Variants in USP7 observed in about 807,000 individuals in gnomAD.
The protein encoded by USP7 is ubiquitin C-terminal hydrolase 7.
USP7 carries 9 observed loss-of-function variants against 162.9 expected under a neutral mutation model. The ratio of observed to expected loss-of-function variants is 0.06; its 90% confidence interval spans 0.03 to 0.10. USP7 has a LOEUF of 0.10. Ranked by LOEUF, USP7 falls within the 10% of genes least tolerant of loss-of-function variation. The probability of loss-of-function intolerance (pLI) is 1.00; values close to 1 mark genes in which losing one functional copy is unlikely to be tolerated. For missense variants in USP7, 715 were observed against 1,373.7 expected (o/e 0.52, Z 7.58); for synonymous variants, 562 against 475.9 (o/e 1.18, Z -2.35).
intron 5 of USP7, among the ~76,000 whole-genome samples, chr16:8,919,385 TG>T (rs557103878): frequency 1.3e-5 from 2 of 152,078 alleles, no homozygotes; most frequent in Non-Finnish European, 2.9e-5. Context: ...CTCCTGTCAC[TG>T]ATCAAGCCCA....
At position 8,932,719 on chromosome 16, in the gene USP7, T is replaced by C. The variant is rs576714503; in HGVS notation, c.80-2322A>G. Reference sequence around the variant, plus strand: ...TCTTTAAAAAGTTTTATGAGATTCATAAATTGTAAACCAAGGACAGTGACT... The same window carrying C: ...TCTTTAAAAAGTTTTATGAGATTCACAAATTGTAAACCAAGGACAGTGACT... On this transcript the variant is annotated intron_variant, in intron 1 of 30. Transcript: ENST00000344836. Among the ~76,000 whole-genome samples, 7 of 152,318 alleles carry C rather than the reference T, an allele frequency of 4.6e-5. No homozygotes were observed. In the South Asian group the frequency reaches 1.5e-3, roughly 32 times the overall value.
At chr16:8,927,006 T>C (rs978752766) in intron 2 of USP7, among the ~76,000 whole-genome samples, 2 of 152,160 alleles carry the variant, frequency 1.3e-5, no homozygotes, top group East Asian at 1.9e-4. Context: ...TAGACCAGCC[T>C]GGGCTTCAGT....
intron 11 of USP7, 38 bp downstream of exon 11, chr16:8,910,707 C>A (rs2447916): frequency 1 from 1,555,648 of 1,558,920 alleles, 776,247 homozygotes; most frequent in East Asian, 1. Context: ...TAAAGAAGAA[C>A]GCTACAACAG....
At position 8,904,714 on chromosome 16, in the gene USP7, G is replaced by A. The variant is rs2437727; in HGVS notation, c.1574-149C>T. The A allele has an allele frequency of 3.7e-3, 4,283 of 1,160,954 alleles. 126 individuals carry two copies. The African/African-American group carries it at 0.061, about 17-fold the overall frequency. 71.9% of individuals were successfully genotyped at this position (1,160,954 alleles called of 1,614,324 possible). On this transcript the variant is annotated intron_variant, in intron 14 of 30. Transcript: ENST00000344836. Reference sequence around the variant, plus strand: ...TCCCAGCACTTTGGGAGGCTGAGGCGGGCCGATCACGAGGTCAGGAAATCA... The same window carrying A: ...TCCCAGCACTTTGGGAGGCTGAGGCAGGCCGATCACGAGGTCAGGAAATCA...
chr16:8,936,234 T>C (rs1239881719), intron 1 of USP7, among the ~76,000 whole-genome samples: 1 of 152,038 alleles, frequency 6.6e-6, no homozygotes, highest in East Asian at 1.9e-4. Flanking sequence ...CAGCTGTTAT[T>C]ACGGCAGATA....
intron 27 of USP7, 65 bp downstream of exon 27, chr16:8,895,577 T>G (rs897849736): frequency 1.1e-5 from 15 of 1,324,968 alleles, no homozygotes; most frequent in Non-Finnish European, 1.6e-5. Flanking sequence ...TGCTGTGATA[T>G]TTAAATATGC....
chr16:8,897,726 A>AATATATATATATAT (rs1555461672), intron 25 of USP7, among the ~76,000 whole-genome samples: 60 of 7,122 alleles, frequency 8.4e-3, no homozygotes, highest in African/African-American at 0.018. Context: ...AAAAAAAAAA[A>AATATATATATATAT]ATATATATAT....
chr16:8,905,241 C>A lies in USP7; in HGVS notation c.1519G>T (p.Val507Phe). The A allele has an allele frequency of 1.2e-6, 2 of 1,614,218 alleles. No individual in the cohort carries two copies. Among genetic ancestry groups the A allele is most frequent in the Non-Finnish European group, 1.7e-6 (2 of 1,180,038 alleles). The stretch of plus-strand genomic sequence containing the variant: ...ATGTAAGCATTAGTGCAGTGTCGAA[C>A]AGACAGGTCGTCATCGTGACCCCCA... ...NYGGHDDDLS[V>F]RHCTNAYMLV... The change falls in exon 14 of 31, where the codon GTT (valine) becomes TTT (phenylalanine). Residue 507 changes from valine to phenylalanine, a missense_variant. By Grantham distance (50) the Val-to-Phe change is conservative (BLOSUM62 -1). Transcript: ENST00000344836.
chr16:8,902,552 C>T (rs1012289544), intron 16 of USP7, 70 bp from the exon 17 acceptor site: 48 of 1,227,290 alleles, frequency 3.9e-5, no homozygotes, highest in Non-Finnish European at 5.6e-5. Flanking sequence ...ATTACACACA[C>T]ATATGTATAT....
At chr16:8,917,210 A>G (rs184361147) in intron 6 of USP7, 54 bp from the exon 7 acceptor site, 36 of 1,539,076 alleles carry the variant, frequency 2.3e-5, no homozygotes, top group South Asian at 1.2e-5. Flanking sequence ...AGGGGAATTT[A>G]AAAAACAGTA....
intron 2 of USP7, among the ~76,000 whole-genome samples, chr16:8,924,270 C>T (rs943841345): frequency 3.9e-5 from 6 of 152,260 alleles, no homozygotes; most frequent in African/African-American, 9.6e-5. Context: ...AAGGCACAGT[C>T]CTCCCACACC....
chr16:8,918,417 C>T (rs889704488), intron 6 of USP7, among the ~76,000 whole-genome samples: 1 of 152,198 alleles, frequency 6.6e-6, no homozygotes, highest in Non-Finnish European at 1.5e-5. Context: ...CTTTTCAACT[C>T]AGTTTTTATA....
At chr16:8,930,241 GT>G in intron 2 of USP7, 51 bp downstream of exon 2, 1 of 1,438,512 alleles carries the variant, frequency 7.0e-7, no homozygotes. Context: ...ATCTGAACCT[GT>G]TTTCTGACAA....
At chr16:8,942,928 G>T (rs1260906664) in intron 1 of USP7, among the ~76,000 whole-genome samples, 1 of 152,192 alleles carries the variant, frequency 6.6e-6, no homozygotes, top group African/African-American at 2.4e-5. Context: ...CCAGGGGACA[G>T]TCCTGTCCTA....
At chr16:8,904,747 C>G (rs1205668252) in intron 14 of USP7, among the ~76,000 whole-genome samples, 182 bp from the exon 15 acceptor site, 1 of 151,054 alleles carries the variant, frequency 6.6e-6, no homozygotes, top group Non-Finnish European at 1.5e-5. Flanking sequence ...TCAAGACCAT[C>G]TTGGCTAACA....
intron 1 of USP7, among the ~76,000 whole-genome samples, chr16:8,933,746 G>C (rs1017911510): frequency 6.6e-6 from 1 of 151,362 alleles, no homozygotes; most frequent in Admixed American, 6.6e-5. Flanking sequence ...CACCCTGCCT[G>C]GCCTATACAA....
intron 7 of USP7, 151 bp downstream of exon 7, chr16:8,916,875 A>C (rs1247117151): frequency 2.1e-6 from 2 of 960,520 alleles, no homozygotes; most frequent in African/African-American, 3.4e-5. Flanking sequence ...AAATACAATG[A>C]TAAAAGCACT....
At position 8,904,442 on chromosome 16, in the gene USP7, T is replaced by C; in HGVS notation, c.1697A>G (p.Gln566Arg). The C allele has an allele frequency of 6.2e-7, 1 of 1,613,904 alleles. No homozygotes were observed. Among genetic ancestry groups the C allele is most frequent in the Non-Finnish European group, 8.5e-7 (1 of 1,179,976 alleles). The change falls in exon 15 of 31, where the codon CAA (glutamine) becomes CGA (arginine). Residue 566 changes from glutamine to arginine, a missense_variant. Physicochemically the swap from Gln to Arg is conservative, Grantham distance 43. This residue lies in a region of USP7 where 197 missense variants were observed against 306.5 expected (regional missense o/e 0.64). Transcript: ENST00000344836. ...AGAAGGGCGGGGGCTGACCTGCACT[T>C]GCATATAGAGATGGGCTTCCTGCCG... ...KERQEAHLYM[Q>R]VQIVAEDQFC...
At chr16:8,914,683 C>G (rs1302693664) in intron 10 of USP7, among the ~76,000 whole-genome samples, 1 of 151,950 alleles carries the variant, frequency 6.6e-6, no homozygotes, top group Non-Finnish European at 1.5e-5. Context: ...TTTGGGAGCC[C>G]AAGGCAGGAA....
Sources: gnomAD v4.1 joint callset for allele counts (sites outside exome capture counted in the v4.1 genomes callset) on GRCh38, gnomAD v4.1.1 for gene constraint, gnomAD v4.1.1 regional missense constraint, MANE v1.5 for transcripts, NCBI Gene and HGNC (gene_info 2026-07-23, HGNC 2026-07-21) for gene names.